SYNE2: variants seen among roughly 807,000 people sequenced by gnomAD.
The protein encoded by SYNE2 is nesprin-2.
In SYNE2, 431 loss-of-function variants were observed where a neutral mutation model predicts 856.3. The ratio of observed to expected loss-of-function variants is 0.50; its 90% CI spans 0.47 to 0.55. The LOEUF is 0.55. SYNE2 is among the 20% of genes least tolerant of loss of function. The pLI is 0.00. For missense variants in SYNE2, 8,129 were observed against 8,023.2 expected (o/e 1.01, Z -0.50); for synonymous variants, 2,923 against 2,872.3 (o/e 1.02, Z -0.56).
At chr14:63,862,782 G>GT (rs1261773098) in intron 1 of SYNE2, among the ~76,000 whole-genome samples, 2 of 150,348 alleles carry the variant, frequency 1.3e-5, no homozygotes, top group African/African-American at 5.0e-5. Context: ...TTTTGGGGCA[G>GT]TTTTGTTTTT....
chr14:63,932,730 C>T (rs2095778789), intron 2 of SYNE2, among the ~76,000 whole-genome samples: 1 of 152,114 alleles, frequency 6.6e-6, no homozygotes, highest in South Asian at 2.1e-4. Context: ...GGGTGTGGAA[C>T]TTTTAAACTG....
chr14:63,982,575 A>G, intron 16 of SYNE2, 55 bp from the exon 17 acceptor site: 3 of 1,560,626 alleles, frequency 1.9e-6, no homozygotes, highest in Middle Eastern at 1.7e-4. Context: ...GATTATACAT[A>G]ATAGAAAGAC....
intron 45 of SYNE2, among the ~76,000 whole-genome samples, chr14:64,031,657 G>A (rs1166215664): frequency 1.3e-5 from 2 of 152,078 alleles, no homozygotes; most frequent in South Asian, 2.1e-4. Context: ...TAGAAAAGGC[G>A]AAAGAAAAGA....
intron 1 of SYNE2, among the ~76,000 whole-genome samples, chr14:63,793,004 A>G (rs1887790169): frequency 6.6e-6 from 1 of 152,128 alleles, no homozygotes; most frequent in Non-Finnish European, 1.5e-5. Context: ...AAGTTTCACA[A>G]AAATGTAGAA....
chr14:64,078,336 A>G (rs2097486818), intron 54 of SYNE2, 130 bp from the exon 55 acceptor site: 2 of 1,067,744 alleles, frequency 1.9e-6, no homozygotes, highest in African/African-American at 3.1e-5. Flanking sequence ...CATTTGCCAG[A>G]ATTTCTTCCC....
intron 2 of SYNE2, among the ~76,000 whole-genome samples, chr14:63,911,205 G>C (rs889604808): frequency 1.3e-5 from 2 of 151,956 alleles, no homozygotes; most frequent in Admixed American, 6.6e-5. Context: ...TTCCCTTGTA[G>C]CTCCCCCGGC....
Position 64,128,478 on chromosome 14 carries a change from G to C in SYNE2, c.13944G>C (p.Gln4648His). Reference protein sequence around the residue: ...YQNEIKRLYHQLIKSKTSLQQ... With the variant: ...YQNEIKRLYHHLIKSKTSLQQ... The stretch of plus-strand genomic sequence containing the variant: ...ATGAAATAAAGAGATTATATCATCA[G>C]CTCATTAAGAGTAAGACATCTTTAC... The change falls in exon 74 of 116, where the codon CAG (glutamine) becomes CAC (histidine). Residue 4648 changes from glutamine (Q) to histidine (H), a missense_variant. Transcript: ENST00000555002. 1 of 1,596,874 alleles carries C rather than the reference G, an allele frequency of 6.3e-7. No homozygotes were observed. Among genetic ancestry groups the C allele is most frequent in the Non-Finnish European group, 8.6e-7 (1 of 1,164,278 alleles).
intron 51 of SYNE2, among the ~76,000 whole-genome samples, chr14:64,069,252 A>C (rs1421616850): frequency 6.6e-6 from 1 of 151,256 alleles, no homozygotes; most frequent in Non-Finnish European, 1.5e-5. Context: ...CAATTTCTTT[A>C]TTTGCATGCT....
At chr14:64,177,536 A>C in intron 96 of SYNE2, 53 bp downstream of exon 96, 1 of 1,611,528 alleles carries the variant, frequency 6.2e-7, no homozygotes, top group Non-Finnish European at 8.5e-7. Flanking sequence ...TTTTCTGAGT[A>C]CTTTGAAGTG....
rs1555556104 is a variant in SYNE2, at chr14:64,219,108, T to TTTTTTTTG, written c.19658-93_19658-92insGTTTTTTT. 3 of 800,960 alleles carry TTTTTTTTG rather than the reference T, an allele frequency of 3.7e-6. No homozygotes were observed. In the East Asian group the frequency reaches 1.1e-4, roughly 30 times the overall value. The allele number at this position is 800,960 out of a possible 1,614,324, so 49.6% of individuals were successfully genotyped here. On this transcript the variant is annotated intron_variant, in intron 109 of 115. Coordinates refer to ENST00000555002, the MANE Select transcript of SYNE2 (RefSeq NM_182914.3). ...GGAATCCCCTACAGTTTTTTTGTTT[T>TTTTTTTTG]TTTTTTTTTTTTTTTTAACCACCCT...
At position 64,010,114 on chromosome 14, in the gene SYNE2, G is replaced by A; in HGVS notation, c.4726G>A (p.Glu1576Lys). 1 of 1,611,364 alleles carries A rather than the reference G, an allele frequency of 6.2e-7. No individual in the cohort carries two copies. Among genetic ancestry groups the A allele is most frequent in the Non-Finnish European group, 8.5e-7 (1 of 1,178,542 alleles). Residue 1576 changes from glutamate (E) to lysine (K), a missense_variant and splice_region_variant, in exon 32 of 116, where the codon GAG becomes AAG. Transcript: ENST00000555002. ...GGAGAACCTGAAGAAAAGGATAGCAGAGGTGAGTCCAGGTTCCATTAGAAA... is the reference window on the plus strand; with the variant it reads ...GGAGAACCTGAAGAAAAGGATAGCAAAGGTGAGTCCAGGTTCCATTAGAAA... ...GKENLKKRIAEIEIVKEEFNE... is the reference protein window; with the variant it reads ...GKENLKKRIAKIEIVKEEFNE...
intron 87 of SYNE2, among the ~76,000 whole-genome samples, chr14:64,161,693 G>A (rs2098330952): frequency 1.4e-5 from 2 of 146,328 alleles, no homozygotes; most frequent in Admixed American, 1.4e-4. Flanking sequence ...TACTTGAGCT[G>A]CAGAGTTTGA....
chr14:64,098,483 T>C, intron 62 of SYNE2: 1 of 589,306 alleles, frequency 1.7e-6, no homozygotes, highest in Non-Finnish European at 3.0e-6. Context: ...CTAAGTCTTC[T>C]CTGCATTCAC....
At chr14:64,161,120 G>A (rs2098326089) in intron 87 of SYNE2, among the ~76,000 whole-genome samples, 1 of 152,156 alleles carries the variant, frequency 6.6e-6, no homozygotes, top group Admixed American at 6.5e-5. Flanking sequence ...GAGGTGGGTA[G>A]ATCACTTGAG....
In SYNE2 at chr14:64,024,945, G is replaced by A. The variant is rs759833231; in HGVS notation, c.5874G>A (p.Trp1958Ter). Residue 1958 changes from tryptophan to a stop codon, truncating the protein, a stop_gained, in exon 40 of 116, where the codon TGG becomes TGA. Transcript: ENST00000555002. LOFTEE classifies it high-confidence loss of function. ...LQDDHRNLRK[W>*]LTNQEEKWKG... ...ATGACCATAGAAACCTGAGGAAGTG[G>A]TTGACTAATCAAGAAGAGAAATGGA... The A allele has an allele frequency of 1.2e-6, 2 of 1,613,970 alleles. No homozygotes were observed. Among genetic ancestry groups the A allele is most frequent in the South Asian group, 1.1e-5 (1 of 91,082 alleles).
intron 100 of SYNE2, among the ~76,000 whole-genome samples, chr14:64,207,743 T>TGG (rs1371237748): frequency 6.6e-6 from 1 of 152,202 alleles, no homozygotes; most frequent in Non-Finnish European, 1.5e-5. Context: ...TTTAGTCTAG[T>TGG]TAATAGTGGT....
At chr14:63,903,023 C>G (rs982070981) in intron 1 of SYNE2, among the ~76,000 whole-genome samples, 2 of 152,164 alleles carry the variant, frequency 1.3e-5, no homozygotes, top group Non-Finnish European at 2.9e-5. Flanking sequence ...TTTCTAGCTT[C>G]TGAATTCAAA....
chr14:63,958,397 G>A (rs79601468), intron 8 of SYNE2, among the ~76,000 whole-genome samples: 4,870 of 152,216 alleles, frequency 0.032, 273 homozygotes, highest in African/African-American at 0.11. Context: ...GAGATTACTG[G>A]TTAGGTATTT....
chr14:64,070,957 G>T (rs1344942575), intron 52 of SYNE2, 47 bp downstream of exon 52: 2 of 1,604,272 alleles, frequency 1.2e-6, no homozygotes, highest in African/African-American at 1.3e-5. Flanking sequence ...GACAATTATG[G>T]CTCAAAATTT....
Sources: allele counts gnomAD v4.1 joint callset (sites outside exome capture counted in the v4.1 genomes callset), GRCh38; gene constraint gnomAD v4.1.1; transcripts MANE v1.5; gene names NCBI Gene and HGNC (gene_info 2026-07-23, HGNC 2026-07-21).